PACSIN3: variants seen among roughly 807,000 people sequenced by gnomAD.
The protein encoded by PACSIN3 is protein kinase C and casein kinase substrate in neurons 3.
PACSIN3 carries 34 observed loss-of-function variants against 56.1 expected under a neutral mutation model. The ratio of observed to expected loss-of-function variants is 0.61; its 90% confidence interval spans 0.46 to 0.81. PACSIN3 has a LOEUF of 0.81. Ranked by LOEUF, PACSIN3 falls within the 30% of genes least tolerant of loss-of-function variation. PACSIN3 has a pLI of 0.00. For missense variants in PACSIN3, 535 were observed against 592.4 expected (o/e 0.90, Z 1.01); for synonymous variants, 218 against 229.8 (o/e 0.95, Z 0.46).
rs1002637413 is a variant in PACSIN3, at chr11:47,179,781, A to G, written c.604-195T>C. The G allele has an allele frequency of 6.7e-6, 4 of 593,820 alleles. No homozygotes were observed. The highest frequency in any genetic ancestry group is 1.2e-5 in the Non-Finnish European group (4 of 336,530). The allele number at this position is 593,820 out of a possible 1,614,324, so 36.8% of individuals were successfully genotyped here. A position where few individuals can be genotyped will look rare whatever the true frequency, so the allele number is the denominator to read the frequency against. On this transcript the variant is annotated intron_variant, in intron 6 of 10. Coordinates refer to ENST00000298838, the MANE Select transcript of PACSIN3 (RefSeq NM_016223.5). This position sits in a 1 kb window ranked among gnomAD's most constrained non-coding sequence, Gnocchi z 4.4. ...AGGTGACATCAGGCACAGCATATAA[A>G]AGAGTCTGGTGAGGATTGAAATGAG... is the stretch of plus-strand genomic sequence containing the variant.
At position 47,182,780 on chromosome 11, in the gene PACSIN3, G is replaced by T; in HGVS notation, c.-37-16C>A. The T allele has an allele frequency of 6.4e-7, 1 of 1,556,194 alleles. No homozygotes were observed. Among genetic ancestry groups the T allele is most frequent in the South Asian group, 1.2e-5 (1 of 84,574 alleles). ...GGATTTGGGGCTGTGGAGGGCAGAG[G>T]GGTAAGCAGGAAAGCTGGACATTAT... On this transcript the variant is annotated splice_polypyrimidine_tract_variant and intron_variant, in intron 2 of 10. Transcript: ENST00000298838.
intron 3 of PACSIN3, 23 bp downstream of exon 3, chr11:47,182,651 G>A: frequency 6.2e-7 from 1 of 1,608,402 alleles, no homozygotes; most frequent in Non-Finnish European, 8.5e-7. Flanking sequence ...ACAAGTAGCT[G>A]AGCCCAGGAC....
In PACSIN3 at chr11:47,182,757, A is replaced by G. The variant is rs752893660; in HGVS notation, c.-30T>C. The G allele has an allele frequency of 1.2e-6, 2 of 1,601,120 alleles. No homozygotes were observed. Among genetic ancestry groups the G allele is most frequent in the Admixed American group, 3.5e-5 (2 of 56,844 alleles). On this transcript the variant is annotated 5_prime_UTR_variant, in exon 3 of 11. Coordinates refer to ENST00000298838, the MANE Select transcript of PACSIN3 (RefSeq NM_016223.5). ...TCCCCGCAGCACGGAATGGTGGCGG[A>G]TTTGGGGCTGTGGAGGGCAGAGGGG...
chr11:47,179,624 T>G lies in PACSIN3; in HGVS notation c.604-38A>C. The G allele has an allele frequency of 1.3e-6, 2 of 1,595,314 alleles. No individual in the cohort carries two copies. The highest frequency in any genetic ancestry group is 8.5e-7 in the Non-Finnish European group (1 of 1,171,502). On this transcript the variant is annotated intron_variant, in intron 6 of 10. Transcript: ENST00000298838. This position sits in a 1 kb window ranked among gnomAD's most constrained non-coding sequence, Gnocchi z 4.4. ...GGAGGGGCCTGGTGAGAACCAGACC[T>G]TCTTCCACCCAGGACTCCACCAGTG...
intron 4 of PACSIN3, among the ~76,000 whole-genome samples, chr11:47,181,654 T>G (rs539071401): frequency 6.6e-6 from 1 of 152,156 alleles, no homozygotes; most frequent in South Asian, 2.1e-4. Context: ...CAAAACCCTA[T>G]CTCTACAAAA....
Position 47,180,218 on chromosome 11 carries a change from G to A in PACSIN3, c.571C>T (p.Arg191Trp), listed in dbSNP as rs148229381. 2.8e-4 allele frequency: 451 copies of A among 1,603,640 alleles called. No individual in the cohort carries two copies. Among genetic ancestry groups the A allele is most frequent in the South Asian group, 1.5e-3 (140 of 91,090 alleles). Residue 191 changes from arginine (R) to tryptophan (W), a missense_variant, in exon 6 of 11, where the codon CGG (arginine) becomes TGG (tryptophan). By Grantham distance (101) the Arg-to-Trp change is moderately radical. Transcript: ENST00000298838. ...SQEQLRKLQERVERCAKEAEK... is the reference protein window; with the variant it reads ...SQEQLRKLQEWVERCAKEAEK... ...GCCTCCTTGGCACAGCGTTCCACCC[G>A]TTCCTGCAGTTTGCGCAGCTGCTCC... is the stretch of plus-strand genomic sequence containing the variant.
Position 47,179,299 on chromosome 11 carries a change from C to T in PACSIN3, c.780-20G>A, listed in dbSNP as rs375065601. ...TGGAACCTATGACCCAAGGCACACC[C>T]CTCAGTCTAGGAAGTCTAGACCCTG... is the stretch of plus-strand genomic sequence containing the variant. On this transcript the variant is annotated intron_variant, in intron 7 of 10. Coordinates refer to ENST00000298838, the MANE Select transcript of PACSIN3 (RefSeq NM_016223.5). This position sits in a 1 kb window ranked among gnomAD's most constrained non-coding sequence, Gnocchi z 4.4. 1.5e-5 allele frequency: 24 copies of T among 1,613,906 alleles called. No individual in the cohort carries two copies. Among genetic ancestry groups the T allele is most frequent in the Non-Finnish European group, 1.9e-5 (23 of 1,180,042 alleles).
chr11:47,184,292 C>T (rs1164049101), intron 1 of PACSIN3: 2 of 152,482 alleles, frequency 1.3e-5, no homozygotes, highest in African/African-American at 4.8e-5. Context: ...TTCCTCCAAA[C>T]TCATGCACCT....
rs146792675 is a variant in PACSIN3 at position 47,177,939 on chromosome 11, C to T, written c.1267G>A (p.Gly423Ser). 2 of 1,613,330 alleles carry T rather than the reference C, an allele frequency of 1.2e-6. No individual in the cohort carries two copies. Among genetic ancestry groups the T allele is most frequent in the Non-Finnish European group, 1.7e-6 (2 of 1,179,344 alleles). ...LYPANYVECV[G>S]A Reference sequence around the variant, plus strand: ...AAGGGCTGTCAGGACACTCAGGCGCCCACACACTCCACGTAGTTGGCAGGG... The same window carrying T: ...AAGGGCTGTCAGGACACTCAGGCGCTCACACACTCCACGTAGTTGGCAGGG... Residue 423 changes from glycine (G) to serine (S), a missense_variant, in exon 11 of 11, where the codon GGC becomes AGC. Physicochemically the swap from Gly to Ser is moderately conservative, Grantham distance 56. Transcript: ENST00000298838.
In PACSIN3 at chr11:47,179,035, G is replaced by A. The variant is rs766860292; in HGVS notation, c.901-5C>T. On this transcript the variant is annotated splice_polypyrimidine_tract_variant and splice_region_variant and intron_variant, in intron 8 of 10. Transcript: ENST00000298838. This position sits in a 1 kb window ranked among gnomAD's most constrained non-coding sequence, Gnocchi z 4.4. ...CTGTGTGTCCAAGGACCACTCCTGT[G>A]GGGACAGTGCTTATAGTCAGGTGGG... 1.9e-6 allele frequency: 3 copies of A among 1,613,994 alleles called. No individual in the cohort carries two copies. In the African/African-American group the frequency reaches 4.0e-5, roughly 22 times the overall value.
Position 47,178,404 on chromosome 11 carries a change from T to C in PACSIN3, c.1121A>G (p.Tyr374Cys), listed in dbSNP as rs1161938060. ...CAGCTCATCAGCTTCCTGGCCAGCGTAGTCATAGAGTGCCCTCACCCGAAC... is the reference window on the plus strand; with the variant it reads ...CAGCTCATCAGCTTCCTGGCCAGCGCAGTCATAGAGTGCCCTCACCCGAAC... ...TGVRVRALYD[Y>C]AGQEADELSF... Residue 374 changes from tyrosine (Y) to cysteine (C), a missense_variant, in exon 10 of 11, where the codon TAC becomes TGC. Transcript: ENST00000298838. The surrounding 1 kb of genome is among the most constrained non-coding windows in gnomAD (Gnocchi z 4.2). The C allele has an allele frequency of 2.5e-6, 4 of 1,613,886 alleles. No individual in the cohort carries two copies. The highest frequency in any genetic ancestry group is 3.4e-6 in the Non-Finnish European group (4 of 1,180,000).
At position 47,178,347 on chromosome 11, in the gene PACSIN3, G is replaced by A. The variant is rs774867486; in HGVS notation, c.1159+19C>T. 5 of 1,612,776 alleles carry A rather than the reference G, an allele frequency of 3.1e-6. No homozygotes were observed. In the South Asian group the frequency reaches 5.5e-5, roughly 18 times the overall value. On this transcript the variant is annotated intron_variant, in intron 10 of 10. Transcript: ENST00000298838. This position sits in a 1 kb window ranked among gnomAD's most constrained non-coding sequence, Gnocchi z 4.2. The stretch of plus-strand genomic sequence containing the variant: ...CAGATAAGGCAGAGGCTGAAGCTAG[G>A]AAAGGGGTCCCAGGGTACCTGCTCG...
In PACSIN3 at chr11:47,177,747, C is replaced by T. The variant is rs1156505493; in HGVS notation, c.*184G>A. On this transcript the variant is annotated 3_prime_UTR_variant, in exon 11 of 11. Coordinates refer to ENST00000298838, the MANE Select transcript of PACSIN3 (RefSeq NM_016223.5). ...TCTTGCCCTCAGCCTAGACTCGTCC[C>T]TTCCCTACCAGTCCCTTCCCTAGAC... 2 of 622,952 alleles carry T rather than the reference C, an allele frequency of 3.2e-6. No homozygotes were observed. The highest frequency in any genetic ancestry group is 5.7e-6 in the Non-Finnish European group (2 of 352,512). The allele number at this position is 622,952 out of a possible 1,614,324, so 38.6% of individuals were successfully genotyped here. A position where few individuals can be genotyped will look rare whatever the true frequency, so the allele number is the denominator to read the frequency against.
intron 1 of PACSIN3, among the ~76,000 whole-genome samples, chr11:47,185,012 G>A (rs1953093041): frequency 6.6e-6 from 1 of 152,202 alleles, no homozygotes. Context: ...TGACCTCTCA[G>A]CAAGCAAGCA....
chr11:47,180,814 C>G (rs1004985175), intron 4 of PACSIN3, 124 bp from the exon 5 acceptor site: 7 of 695,262 alleles, frequency 1.0e-5, no homozygotes, highest in Non-Finnish European at 1.7e-5. Context: ...TGAATGACAA[C>G]CCTGTCAGCT....
chr11:47,177,951 C>T lies in PACSIN3; in HGVS notation c.1255G>A (p.Val419Met), dbSNP rs763455118. ...GACACTCAGGCGCCCACACACTCCACGTAGTTGGCAGGGTACAGGCCAATG... is the reference window on the plus strand; with the variant it reads ...GACACTCAGGCGCCCACACACTCCATGTAGTTGGCAGGGTACAGGCCAATG... Reference protein sequence around the residue: ...GRIGLYPANYVECVGA With the variant: ...GRIGLYPANYMECVGA The change falls in exon 11 of 11, where the codon GTG becomes ATG. Residue 419 changes from valine to methionine, a missense_variant. Transcript: ENST00000298838. 3 of 1,613,692 alleles carry T rather than the reference C, an allele frequency of 1.9e-6. No individual in the cohort carries two copies. The highest frequency in any genetic ancestry group is 2.2e-5 in the South Asian group (2 of 91,084).
chr11:47,178,915 G>A lies in PACSIN3; in HGVS notation c.1016C>T (p.Pro339Leu). Residue 339 changes from proline (P) to leucine (L), a missense_variant, in exon 9 of 11, where the codon CCC (proline) becomes CTC (leucine). Transcript: ENST00000298838. The surrounding 1 kb of genome is among the most constrained non-coding windows in gnomAD (Gnocchi z 4.2). Reference sequence around the variant, plus strand: ...TCACCCTGGGGACCCCGGGGACTGGGGTGGGGGTGCGGTGCCATCTCTTGT... The same window carrying A: ...TCACCCTGGGGACCCCGGGGACTGGAGTGGGGGTGCGGTGCCATCTCTTGT... ...VPTRDGTAPPPQSPGSPGTGQ... is the reference protein window; with the variant it reads ...VPTRDGTAPPLQSPGSPGTGQ... The A allele has an allele frequency of 1.9e-6, 3 of 1,613,988 alleles. No homozygotes were observed. The highest frequency in any genetic ancestry group is 1.1e-5 in the South Asian group (1 of 91,078).
In PACSIN3 at chr11:47,180,352, T is replaced by C. The variant is rs750952348; in HGVS notation, c.448-11A>G. On this transcript the variant is annotated splice_polypyrimidine_tract_variant and intron_variant, in intron 5 of 10. Transcript: ENST00000298838. ...CTTGGAAGCCTCAACCTGGCATGCATGGAGACCACTCTGGACCCTGGATGC... is the reference window on the plus strand; with the variant it reads ...CTTGGAAGCCTCAACCTGGCATGCACGGAGACCACTCTGGACCCTGGATGC... The C allele has an allele frequency of 8.1e-6, 13 of 1,601,494 alleles. No homozygotes were observed. Among genetic ancestry groups the C allele is most frequent in the Middle Eastern group, 1.6e-4 (1 of 6,084 alleles).
chr11:47,179,718 A>G lies in PACSIN3; in HGVS notation c.604-132T>C. On this transcript the variant is annotated intron_variant, in intron 6 of 10. Transcript: ENST00000298838. This position sits in a 1 kb window ranked among gnomAD's most constrained non-coding sequence, Gnocchi z 4.4. ...CTAGGGGCAATCAGTCCCAAGACCC[A>G]GCTCCTGCCCTCAAGGACCCCAGCA... 1.3e-6 allele frequency: 1 copy of G among 787,936 alleles called. No individual in the cohort carries two copies. Among genetic ancestry groups the G allele is most frequent in the African/African-American group, 1.7e-5 (1 of 57,464 alleles). 48.8% of individuals were successfully genotyped at this position (787,936 alleles called of 1,614,324 possible). A position where few individuals can be genotyped will look rare whatever the true frequency, so the allele number is the denominator to read the frequency against.
Sources: allele counts gnomAD v4.1 joint callset (sites outside exome capture counted in the v4.1 genomes callset), GRCh38; gene constraint gnomAD v4.1.1; non-coding constraint Gnocchi (gnomAD v3.1); transcripts MANE v1.5; gene names NCBI Gene and HGNC (gene_info 2026-07-23, HGNC 2026-07-21).